The following KALRN variants were observed in gnomAD, a reference collection of about 807,000 sequenced individuals.
KALRN encodes the protein kalirin RhoGEF kinase.
Under a neutral mutation model 353.7 loss-of-function variants are expected in KALRN, and 70 were observed. The observed-to-expected ratio is 0.20, with a 90% CI of 0.16 to 0.24. KALRN has a LOEUF of 0.24. KALRN is among the 10% of genes least tolerant of loss of function. The pLI, the probability that KALRN is intolerant of heterozygous loss-of-function variation, is 1.00. For synonymous variants in KALRN, 1,391 were observed against 1,434.8 expected (o/e 0.97, Z 0.69); for missense variants, 2,791 against 3,756.7 (o/e 0.74, Z 6.72).
At chr3:124,673,520 A>G (rs1328931409) in intron 48 of KALRN, among the ~76,000 whole-genome samples, 3 of 150,980 alleles carry the variant, frequency 2.0e-5, no homozygotes, top group Admixed American at 6.6e-5. Context: ...ATATACATAT[A>G]GAATATATAT....
intron 33 of KALRN, among the ~76,000 whole-genome samples, chr3:124,524,725 A>G (rs1464167086): frequency 6.6e-6 from 1 of 152,246 alleles, no homozygotes; most frequent in South Asian, 2.1e-4. Context: ...GCATATAGGT[A>G]CACAAATACA....
rs553251475 is a variant in KALRN at position 124,292,340 on chromosome 3, T to C, written c.970-6451T>C. On this transcript the variant is annotated intron_variant, in intron 5 of 59. Coordinates refer to ENST00000682506, the MANE Select transcript of KALRN (RefSeq NM_001388419.1). The stretch of plus-strand genomic sequence containing the variant: ...CAGGATAAGCTAATTCCAGGAGGGA[T>C]TGCATGAAAAATTGCATTTTAATAG... 6.6e-5 allele frequency among the ~76,000 whole-genome samples: 10 copies of C among 152,332 alleles called. No individual in the cohort carries two copies. In the South Asian group the frequency reaches 1.4e-3, roughly 22 times the overall value.
intron 1 of KALRN, among the ~76,000 whole-genome samples, chr3:124,083,855 A>T (rs1050731110): frequency 3.3e-5 from 5 of 152,224 alleles, no homozygotes; most frequent in African/African-American, 1.2e-4. Context: ...AACTTCTGGC[A>T]TATCCTAATT....
chr3:124,475,833 A>T (rs2061380623), intron 26 of KALRN, among the ~76,000 whole-genome samples: 1 of 152,232 alleles, frequency 6.6e-6, no homozygotes, highest in African/African-American at 2.4e-5. Context: ...AGAAAGTCTT[A>T]GCTACCATCT....
rs147608979 is a variant in KALRN at position 124,270,369 on chromosome 3, C to A, written c.969+1114C>A. On this transcript the variant is annotated intron_variant, in intron 5 of 59. Transcript: ENST00000682506. Reference sequence around the variant, plus strand: ...CTTCAGCTCTCTGTATAAGTGTGATCCCAATTTATGTATTAAATATAACTG... The same window carrying A: ...CTTCAGCTCTCTGTATAAGTGTGATACCAATTTATGTATTAAATATAACTG... Among the ~76,000 whole-genome samples the A allele has an allele frequency of 2.2e-4, 34 of 152,096 alleles. No individual in the cohort carries two copies. The East Asian group carries it at 6.6e-3, about 29-fold the overall frequency.
At chr3:124,099,922 G>A (rs1277607947) in intron 1 of KALRN, among the ~76,000 whole-genome samples, 1 of 152,174 alleles carries the variant, frequency 6.6e-6, no homozygotes, top group Non-Finnish European at 1.5e-5. Context: ...CCAGCACTTT[G>A]GGAGGCCAAG....
At chr3:124,483,027 C>G in intron 28 of KALRN, 127 bp downstream of exon 28, 1 of 702,794 alleles carries the variant, frequency 1.4e-6, no homozygotes, top group East Asian at 2.5e-5. Context: ...GGCAGAACTT[C>G]AGCCCACACT....
At chr3:124,381,070 C>G (rs1389893671) in intron 10 of KALRN, among the ~76,000 whole-genome samples, 1 of 152,164 alleles carries the variant, frequency 6.6e-6, no homozygotes, top group African/African-American at 2.4e-5. Context: ...TAGAAAGTAG[C>G]AGGTACCATG....
intron 10 of KALRN, among the ~76,000 whole-genome samples, chr3:124,366,199 CT>C (rs201723915): frequency 0.011 from 1,628 of 147,264 alleles, 30 homozygotes; most frequent in African/African-American, 0.036. Flanking sequence ...TATTGTATTT[CT>C]TTTTTTTTTT....
chr3:124,713,238 C>A, intron 58 of KALRN, 103 bp downstream of exon 58: 2 of 981,012 alleles, frequency 2.0e-6, no homozygotes, highest in Non-Finnish European at 1.5e-6. Flanking sequence ...AAGGTCCTAT[C>A]ATTTGCAAAG....
chr3:124,631,074 C>G (rs375377306), intron 34 of KALRN, among the ~76,000 whole-genome samples: 1 of 152,166 alleles, frequency 6.6e-6, no homozygotes, highest in African/African-American at 2.4e-5. Context: ...GCATTTGACA[C>G]GCCGATTTCT....
Position 124,446,820 on chromosome 3 carries a change from G to A in KALRN, c.3487G>A (p.Gly1163Arg). 1 of 1,614,010 alleles carries A rather than the reference G, an allele frequency of 6.2e-7. No homozygotes were observed. Reference protein sequence around the residue: ...EFYLSTHTSTGETTEETQELL... With the variant: ...EFYLSTHTSTRETTEETQELL... ...TTACCTCTCAACACATACCTCCACTGGAGAGACCACAGAGGAGACTCAGGA... is the reference window on the plus strand; with the variant it reads ...TTACCTCTCAACACATACCTCCACTAGAGAGACCACAGAGGAGACTCAGGA... The change falls in exon 21 of 60, where the codon GGA becomes AGA. Residue 1163 changes from glycine (G) to arginine (R), a missense_variant. By Grantham distance (125) the Gly-to-Arg change is moderately radical. Coordinates refer to ENST00000682506, the MANE Select transcript of KALRN (RefSeq NM_001388419.1).
chr3:124,696,692 T>C (rs1488391279), intron 54 of KALRN, among the ~76,000 whole-genome samples: 1 of 152,054 alleles, frequency 6.6e-6, no homozygotes, highest in Non-Finnish European at 1.5e-5. Context: ...ATCTGAACCA[T>C]CTTAAATGTA....
chr3:124,073,357 C>T (rs1380427686), intron 1 of KALRN, among the ~76,000 whole-genome samples: 1 of 152,166 alleles, frequency 6.6e-6, no homozygotes, highest in Non-Finnish European at 1.5e-5. Context: ...CTGCCTTTTC[C>T]ATGCAAACTT....
chr3:124,605,785 C>T (rs2651624), intron 34 of KALRN, among the ~76,000 whole-genome samples: 6,424 of 152,098 alleles, frequency 0.042, 463 homozygotes, highest in African/African-American at 0.15. Flanking sequence ...TGCATGTACA[C>T]CCAGGTTTTT....
intron 1 of KALRN, among the ~76,000 whole-genome samples, chr3:124,192,183 G>T (rs1357699876): frequency 6.6e-6 from 1 of 152,320 alleles, no homozygotes; most frequent in African/African-American, 2.4e-5. Flanking sequence ...ATTAGAGTGA[G>T]CCCTAATCTG....
chr3:124,313,380 T>C (rs76515093), intron 6 of KALRN, among the ~76,000 whole-genome samples: 2,390 of 152,358 alleles, frequency 0.016, 49 homozygotes, highest in East Asian at 0.077. Context: ...ACTGCATGTA[T>C]ACCCAGCCAG....
chr3:124,274,151 G>T (rs1353276500), intron 5 of KALRN, among the ~76,000 whole-genome samples: 3 of 152,152 alleles, frequency 2.0e-5, no homozygotes, highest in African/African-American at 7.2e-5. Context: ...ACCCCTTCCT[G>T]GGTGCCTAGG....
chr3:124,385,151 T>G (rs2088026849), intron 11 of KALRN, 115 bp downstream of exon 11: 1 of 812,598 alleles, frequency 1.2e-6, no homozygotes, highest in Non-Finnish European at 1.9e-6. Context: ...GGTTACTAAC[T>G]TCCTAACTTT....
Sources: gnomAD v4.1 joint callset for allele counts (sites outside exome capture counted in the v4.1 genomes callset) on GRCh38, gnomAD v4.1.1 for gene constraint, MANE v1.5 for transcripts, NCBI Gene and HGNC (gene_info 2026-07-23, HGNC 2026-07-21) for gene names.